AGBL4: variants seen among roughly 807,000 people sequenced by gnomAD.
AGBL4 encodes cytosolic carboxypeptidase 6.
In AGBL4, 58 loss-of-function variants were observed where a neutral mutation model predicts 66.4. The observed-to-expected ratio is 0.87, with a 90% CI of 0.71 to 1.09. The LOEUF is 1.09. AGBL4 is among the 50% of genes least tolerant of loss of function. The pLI is 0.00. For missense variants in AGBL4, 579 were observed against 631.0 expected, an observed-to-expected ratio of 0.92 and a Z score of 0.88; for synonymous variants, 234 against 222.9, an observed-to-expected ratio of 1.05 and a Z score of -0.44.
chr1:49,006,828 A>C (rs1482331963), intron 5 of AGBL4, among the ~76,000 whole-genome samples: 5 of 150,138 alleles, frequency 3.3e-5, no homozygotes, highest in Non-Finnish European at 4.5e-5. Flanking sequence ...TGTCTGTTAG[A>C]AGGAAAACTA....
chr1:49,357,173 A>G (rs779033075), intron 3 of AGBL4, among the ~76,000 whole-genome samples: 27 of 152,180 alleles, frequency 1.8e-4, no homozygotes, highest in Non-Finnish European at 2.6e-4. Context: ...GCCTTTCTTT[A>G]TCTGTCAGGC....
chr1:48,569,727 C>T (rs79938379), intron 11 of AGBL4, among the ~76,000 whole-genome samples: 22,050 of 152,076 alleles, frequency 0.14, 1,991 homozygotes, highest in East Asian at 0.22. Flanking sequence ...CCTGGGTTTG[C>T]GAATCAGGAG....
intron 3 of AGBL4, among the ~76,000 whole-genome samples, chr1:49,343,347 T>G (rs1645577686): frequency 6.6e-6 from 1 of 152,172 alleles, no homozygotes; most frequent in Admixed American, 6.5e-5. Flanking sequence ...GCATTGCATT[T>G]GGGGGGTATC....
intron 2 of AGBL4, among the ~76,000 whole-genome samples, chr1:49,807,676 C>T (rs1186370370): frequency 6.6e-6 from 1 of 152,140 alleles, no homozygotes; most frequent in African/African-American, 2.4e-5. Flanking sequence ...ATGCATTCTG[C>T]TTCTGAAAAA....
At chr1:49,738,899 A>C (rs1312996105) in intron 2 of AGBL4, among the ~76,000 whole-genome samples, 1 of 152,228 alleles carries the variant, frequency 6.6e-6, no homozygotes, top group Non-Finnish European at 1.5e-5. Context: ...CCAAAACCTC[A>C]TCTGTACGTC....
chr1:48,819,778 A>G (rs2148768654), intron 6 of AGBL4, among the ~76,000 whole-genome samples: 1 of 152,330 alleles, frequency 6.6e-6, no homozygotes, highest in East Asian at 1.9e-4. Context: ...CCACCAATGT[A>G]TGGTGTTTCT....
chr1:49,381,270 GAAATGC>G (rs769501888), intron 3 of AGBL4, among the ~76,000 whole-genome samples: 453 of 152,302 alleles, frequency 3.0e-3, no homozygotes, highest in South Asian at 8.7e-3. Flanking sequence ...GGCCATCAGA[GAAATGC>G]AAATCAAAAC....
At chr1:48,697,732 A>G (rs1646733982) in intron 6 of AGBL4, among the ~76,000 whole-genome samples, 1 of 152,208 alleles carries the variant, frequency 6.6e-6, no homozygotes, top group Admixed American at 6.5e-5. Flanking sequence ...CTGGCCCTTG[A>G]GACATACCCA....
intron 3 of AGBL4, among the ~76,000 whole-genome samples, chr1:49,373,451 G>C (rs958142843): frequency 4.6e-5 from 7 of 152,054 alleles, no homozygotes; most frequent in African/African-American, 1.7e-4. Context: ...AAGAGCAGAG[G>C]ACTCACTAAT....
At chr1:49,212,433 A>G (rs1013342972) in intron 4 of AGBL4, among the ~76,000 whole-genome samples, 2 of 152,144 alleles carry the variant, frequency 1.3e-5, no homozygotes, top group Non-Finnish European at 1.5e-5. Flanking sequence ...TCGAGTCTGA[A>G]CACTGACGTT....
At chr1:48,735,582 G>A (rs1648910991) in intron 6 of AGBL4, among the ~76,000 whole-genome samples, 1 of 151,998 alleles carries the variant, frequency 6.6e-6, no homozygotes, top group African/African-American at 2.4e-5. Flanking sequence ...AAATTCCAGA[G>A]TCCAGGATAC....
At chr1:48,595,881 A>G (rs1644987762) in intron 9 of AGBL4, among the ~76,000 whole-genome samples, 1 of 152,212 alleles carries the variant, frequency 6.6e-6, no homozygotes, top group Non-Finnish European at 1.5e-5. Context: ...TTTATCACAA[A>G]TTCAGTTCAG....
intron 3 of AGBL4, among the ~76,000 whole-genome samples, chr1:49,346,720 A>G (rs1219525145): frequency 6.6e-6 from 1 of 152,224 alleles, no homozygotes; most frequent in African/African-American, 2.4e-5. Flanking sequence ...CACTGCTCCT[A>G]CTTCGCCTGA....
intron 3 of AGBL4, among the ~76,000 whole-genome samples, chr1:49,465,970 C>G (rs1178122836): frequency 6.6e-6 from 1 of 151,804 alleles, no homozygotes; most frequent in Non-Finnish European, 1.5e-5. Context: ...AGATGATTCC[C>G]AATGACTCAT....
intron 9 of AGBL4, among the ~76,000 whole-genome samples, chr1:48,628,194 C>G (rs1645536260): frequency 6.6e-6 from 1 of 152,100 alleles, no homozygotes; most frequent in South Asian, 2.1e-4. Context: ...AGCCTTTATT[C>G]CAGAAGTAAT....
intron 3 of AGBL4, among the ~76,000 whole-genome samples, chr1:49,562,397 G>C (rs1474550004): frequency 2.0e-5 from 3 of 152,112 alleles, no homozygotes; most frequent in South Asian, 2.1e-4. Context: ...CCTATGTCCT[G>C]AATGGTATTG....
chr1:49,328,120 T>A (rs970872709), intron 3 of AGBL4, among the ~76,000 whole-genome samples: 1 of 152,146 alleles, frequency 6.6e-6, no homozygotes. Flanking sequence ...CCACGTGTAA[T>A]CACCTGGGAA....
At chr1:49,674,616 G>A (rs576756985) in intron 3 of AGBL4, among the ~76,000 whole-genome samples, 13 of 142,894 alleles carry the variant, frequency 9.1e-5, no homozygotes, top group Admixed American at 2.8e-4. Context: ...TTAACCACAC[G>A]TAGTTTCACA....
At chr1:49,499,528 C>A (rs79322245) in intron 3 of AGBL4, among the ~76,000 whole-genome samples, 5 of 151,876 alleles carry the variant, frequency 3.3e-5, no homozygotes, top group Admixed American at 1.3e-4. Flanking sequence ...CAGCCTCCCC[C>A]CAAGTCCCCA....
Sources: gnomAD v4.1 joint callset for allele counts (sites outside exome capture counted in the v4.1 genomes callset) on GRCh38, gnomAD v4.1.1 for gene constraint, MANE v1.5 for transcripts, NCBI Gene and HGNC (gene_info 2026-07-23, HGNC 2026-07-21) for gene names.